Variants in MEI4 observed in about 807,000 individuals in gnomAD.
MEI4 encodes meiotic double-stranded break formation protein 4, also known as meiosis-specific protein MEI4.
Under a neutral mutation model 31.4 loss-of-function variants are expected in MEI4, and 27 were observed. That is an observed-to-expected ratio of 0.86 (90% confidence interval 0.63 to 1.19). The LOEUF is 1.19. Among genes scored for constraint, MEI4 ranks in the 50% most tolerant of loss-of-function variants. MEI4 has a pLI of 0.00. For synonymous variants in MEI4, 122 were observed against 145.4 expected (o/e 0.84, Z 1.16); for missense variants, 329 against 398.9 (o/e 0.82, Z 1.49).
At chr6:77,743,704 C>T (rs1366816466) in intron 2 of MEI4, among the ~76,000 whole-genome samples, 1 of 152,204 alleles carries the variant, frequency 6.6e-6, no homozygotes, top group African/African-American at 2.4e-5. Context: ...AGCAGCCTAA[C>T]TGGGAGGCAC....
At chr6:77,839,641 T>G (rs961278837) in intron 4 of MEI4, among the ~76,000 whole-genome samples, 2 of 152,156 alleles carry the variant, frequency 1.3e-5, no homozygotes, top group Admixed American at 1.3e-4. Context: ...CATGGAAAAC[T>G]GACAGTGAAA....
intron 4 of MEI4, among the ~76,000 whole-genome samples, chr6:77,841,333 A>ATATATATATAGATATTTTTTTT: frequency 3.6e-5 from 1 of 27,748 alleles, no homozygotes; most frequent in Non-Finnish European, 5.2e-5. Flanking sequence ...ATATATATAT[A>ATATATATATAGATATTTTTTTT]TTTTTTTTTT....
At chr6:77,819,785 G>A (rs1456407957) in intron 3 of MEI4, among the ~76,000 whole-genome samples, 1 of 152,004 alleles carries the variant, frequency 6.6e-6, no homozygotes, top group Non-Finnish European at 1.5e-5. Context: ...GATTTAGTAT[G>A]TCAGTTTTAT....
chr6:77,756,710 CCTT>C (rs1211694797), intron 2 of MEI4, among the ~76,000 whole-genome samples: 2 of 150,544 alleles, frequency 1.3e-5, no homozygotes, highest in Non-Finnish European at 3.0e-5. Context: ...CTATTTCTGT[CCTT>C]CTGTCTCATC....
intron 4 of MEI4, among the ~76,000 whole-genome samples, chr6:77,844,985 T>G (rs1487992166): frequency 6.6e-6 from 1 of 152,106 alleles, no homozygotes; most frequent in Non-Finnish European, 1.5e-5. Flanking sequence ...CAGAGACGTT[T>G]TTTCACTTTC....
chr6:77,801,773 A>C (rs543530577), intron 3 of MEI4, among the ~76,000 whole-genome samples: 2 of 152,158 alleles, frequency 1.3e-5, no homozygotes, highest in African/African-American at 4.8e-5. Context: ...GTTTCCATGT[A>C]GTTGAGCGGT....
At chr6:77,686,707 G>A (rs1264419302) in intron 1 of MEI4, among the ~76,000 whole-genome samples, 1 of 151,920 alleles carries the variant, frequency 6.6e-6, no homozygotes, top group Non-Finnish European at 1.5e-5. Context: ...ATAAAGTTTT[G>A]TATGCAGCTC....
rs1426995249 is a variant in MEI4, at chr6:77,820,746, C to A, written c.769-8185C>A. 1.3e-5 allele frequency among the ~76,000 whole-genome samples: 2 copies of A among 151,646 alleles called. No individual in the cohort carries two copies. The highest frequency in any genetic ancestry group is 4.8e-5 in the African/African-American group (2 of 41,306). ...AAGATACTAGATCAAAGATGTATGG[C>A]TTTTATTGTTGCTATTAATTATGTT... On this transcript the variant is annotated intron_variant, in intron 3 of 4. Coordinates refer to ENST00000684080, the MANE Select transcript of MEI4 (RefSeq NM_001322247.2). This position sits in a 1 kb window ranked among gnomAD's most constrained non-coding sequence, Gnocchi z 4.5.
intron 4 of MEI4, among the ~76,000 whole-genome samples, chr6:77,844,376 G>T (rs924940105): frequency 6.6e-6 from 1 of 152,114 alleles, no homozygotes; most frequent in Non-Finnish European, 1.5e-5. Flanking sequence ...ACATTGGAGG[G>T]TCATAGTAAA....
At chr6:77,822,016 C>A (rs1769838796) in intron 3 of MEI4, among the ~76,000 whole-genome samples, 1 of 152,058 alleles carries the variant, frequency 6.6e-6, no homozygotes, top group African/African-American at 2.4e-5. Context: ...AGCAGAGCAA[C>A]CCCAGCTTAT....
rs148720381 is a variant in MEI4, at chr6:77,829,192, G to C, written c.900+130G>C. 2.6e-4 allele frequency: 177 copies of C among 685,760 alleles called. 2 individuals are homozygous for C. Among genetic ancestry groups the C allele is most frequent in the African/African-American group, 1.7e-3 (93 of 53,794 alleles). The allele number at this position is 685,760 out of a possible 1,614,324, so 42.5% of individuals were successfully genotyped here. A position where few individuals can be genotyped will look rare whatever the true frequency, so the allele number is the denominator to read the frequency against. On this transcript the variant is annotated intron_variant, in intron 4 of 4. Coordinates refer to ENST00000684080, the MANE Select transcript of MEI4 (RefSeq NM_001322247.2). ...TTATTACCTTATGTCTAATATATGT[G>C]AGTAATATTACTGCCTACCAAAATT...
chr6:77,801,735 C>G (rs759557935), intron 3 of MEI4, among the ~76,000 whole-genome samples: 1 of 152,120 alleles, frequency 6.6e-6, no homozygotes, highest in Non-Finnish European at 1.5e-5. Flanking sequence ...GTTGTGTACC[C>G]AGTAGTTATT....
chr6:77,792,874 G>A (rs1328233670), intron 3 of MEI4, among the ~76,000 whole-genome samples: 7 of 151,870 alleles, frequency 4.6e-5, no homozygotes, highest in African/African-American at 9.7e-5. Flanking sequence ...CACCATGGCC[G>A]GCTAATGTTT....
At chr6:77,923,063 T>C (rs1454640431) in intron 4 of MEI4, 26 bp from the exon 5 acceptor site, 1 of 1,225,470 alleles carries the variant, frequency 8.2e-7, no homozygotes, top group African/African-American at 1.6e-5. Flanking sequence ...CCCAATTTTT[T>C]AAAGGAGTTT....
chr6:77,695,332 C>T (rs1397606783), intron 2 of MEI4, among the ~76,000 whole-genome samples: 1 of 151,258 alleles, frequency 6.6e-6, no homozygotes, highest in African/African-American at 2.4e-5. Context: ...ACATGAAGTC[C>T]TTGCCCATGC....
rs201930359 is a variant in MEI4 at position 77,736,712 on chromosome 6, T to C, written c.233-24418T>C. Among the ~76,000 whole-genome samples the C allele has an allele frequency of 3.7e-4, 57 of 152,136 alleles. 1 individual carries two copies. The highest frequency in any genetic ancestry group is 1.3e-3 in the African/African-American group (53 of 41,448). On this transcript the variant is annotated intron_variant, in intron 2 of 4. Coordinates refer to ENST00000684080, the MANE Select transcript of MEI4 (RefSeq NM_001322247.2). ...AAACAATGTAGAAAATACAGAAAGA[T>C]AAAGTTTAAGCCCTGCCCATAGCAT...
Position 77,736,046 on chromosome 6 carries a change from C to G in MEI4, c.233-25084C>G, listed in dbSNP as rs1336553718. Reference sequence around the variant, plus strand: ...CCACTGCTCTCTTCAAACTGTCAGACAGGGACTTTTAAGTCTGCAGAGGTT... The same window carrying G: ...CCACTGCTCTCTTCAAACTGTCAGAGAGGGACTTTTAAGTCTGCAGAGGTT... On this transcript the variant is annotated intron_variant, in intron 2 of 4. Transcript: ENST00000684080. 7.1e-5 allele frequency among the ~76,000 whole-genome samples: 8 copies of G among 113,098 alleles called. No homozygotes were observed. The South Asian group carries it at 1.3e-3, about 18-fold the overall frequency. The allele number at this position is 113,098 out of a possible 152,430, so 74.2% of individuals were successfully genotyped here.
At position 77,891,935 on chromosome 6, in the gene MEI4, G is replaced by C. The variant is rs183159903; in HGVS notation, c.901-31154G>C. ...TTCCTCATTTGCTTGGGCTGCAGTTGTTAGTGGATGCTGTGGTGAGACTTT... is the reference window on the plus strand; with the variant it reads ...TTCCTCATTTGCTTGGGCTGCAGTTCTTAGTGGATGCTGTGGTGAGACTTT... On this transcript the variant is annotated intron_variant, in intron 4 of 4. Transcript: ENST00000684080. 3.3e-5 allele frequency among the ~76,000 whole-genome samples: 5 copies of C among 152,318 alleles called. No individual in the cohort carries two copies. In the East Asian group the frequency reaches 9.7e-4, roughly 29 times the overall value.
chr6:77,795,127 T>C (rs1769042292), intron 3 of MEI4, among the ~76,000 whole-genome samples: 1 of 151,576 alleles, frequency 6.6e-6, no homozygotes, highest in Non-Finnish European at 1.5e-5. Context: ...AAATGAAAAA[T>C]CTCAAACAAC....
Sources: gnomAD v4.1 joint callset for allele counts (sites outside exome capture counted in the v4.1 genomes callset) on GRCh38, gnomAD v4.1.1 for gene constraint, Gnocchi (gnomAD v3.1) non-coding constraint, MANE v1.5 for transcripts, NCBI Gene and HGNC (gene_info 2026-07-23, HGNC 2026-07-21) for gene names.